PCDH15: variants seen among roughly 807,000 people sequenced by gnomAD.
PCDH15 encodes the protein protocadherin-15.
In PCDH15, 129 loss-of-function variants were observed where a neutral mutation model predicts 178.5. The ratio of observed to expected loss-of-function variants is 0.72; its 90% CI spans 0.63 to 0.84. The LOEUF is 0.84. Ranked by LOEUF, PCDH15 falls within the 40% of genes least tolerant of loss-of-function variation. The pLI, the probability that PCDH15 is intolerant of heterozygous loss-of-function variation, is 0.00. For missense variants in PCDH15, 2,230 were observed against 2,099.9 expected, an observed-to-expected ratio of 1.06 and a Z score of -1.21; for synonymous variants, 800 against 732.0, an observed-to-expected ratio of 1.09 and a Z score of -1.50.
rs550287521 is a variant in PCDH15 at position 54,641,974 on chromosome 10, A to G, written c.91+22198T>C. On this transcript the variant is annotated intron_variant, in intron 2 of 37. Coordinates refer to ENST00000644397, the MANE Select transcript of PCDH15 (RefSeq NM_001384140.1). ...CTCTACATACCTCCTCAGTTTCATC[A>G]GCATTTGATTTACATTGGCCTTTAT... Among the ~76,000 whole-genome samples, 4 of 152,110 alleles carry G rather than the reference A, an allele frequency of 2.6e-5. No homozygotes were observed. The South Asian group carries it at 8.3e-4, about 32-fold the overall frequency.
intron 21 of PCDH15, among the ~76,000 whole-genome samples, chr10:53,971,114 G>T (rs1379663376): frequency 2.6e-5 from 4 of 152,178 alleles, no homozygotes; most frequent in Non-Finnish European, 5.9e-5. Context: ...TCATCCCTGG[G>T]ATGCAAGGCT....
intron 2 of PCDH15, among the ~76,000 whole-genome samples, chr10:55,098,935 C>A (rs1419902376): frequency 1.3e-4 from 11 of 84,092 alleles, no homozygotes; most frequent in African/African-American, 6.2e-4. Flanking sequence ...AGAGAGAGAG[C>A]TCTTATCCTT....
In PCDH15 at chr10:54,419,595, G is replaced by C. The variant is rs544086687; in HGVS notation, c.158-40653C>G. Among the ~76,000 whole-genome samples the C allele has an allele frequency of 2.4e-3, 365 of 152,106 alleles. 2 individuals carry two copies. Among genetic ancestry groups the C allele is most frequent in the Non-Finnish European group, 4.2e-3 (284 of 67,962 alleles). ...TCATGAAAGTCTTTTCCAAAAACTTGCTAAATTCTTGACTCAAGACATTCC... is the reference window on the plus strand; with the variant it reads ...TCATGAAAGTCTTTTCCAAAAACTTCCTAAATTCTTGACTCAAGACATTCC... On this transcript the variant is annotated intron_variant, in intron 3 of 37. Coordinates refer to ENST00000644397, the MANE Select transcript of PCDH15 (RefSeq NM_001384140.1).
At chr10:54,027,942 G>T (rs2093162950) in intron 18 of PCDH15, among the ~76,000 whole-genome samples, 1 of 151,152 alleles carries the variant, frequency 6.6e-6, no homozygotes, top group East Asian at 1.9e-4. Flanking sequence ...TTGACAAATG[G>T]GATCGAATTA....
chr10:55,255,668 C>G, intron 1 of PCDH15, among the ~76,000 whole-genome samples: 1 of 152,138 alleles, frequency 6.6e-6, no homozygotes, highest in Non-Finnish European at 1.5e-5. Context: ...GATGGTATCT[C>G]ATTGTGGTTT....
At chr10:54,117,467 G>C (rs958440126) in intron 15 of PCDH15, among the ~76,000 whole-genome samples, 1 of 152,130 alleles carries the variant, frequency 6.6e-6, no homozygotes, top group East Asian at 1.9e-4. Flanking sequence ...TCTCCTTCCT[G>C]TTGTCTGCAT....
chr10:55,087,355 T>G (rs936910130), intron 2 of PCDH15, among the ~76,000 whole-genome samples: 1 of 152,174 alleles, frequency 6.6e-6, no homozygotes, highest in Non-Finnish European at 1.5e-5. Context: ...AAGGATAACT[T>G]GGTAGAAAGA....
chr10:55,465,963 G>A (rs886577592), intron 2 of PCDH15, among the ~76,000 whole-genome samples: 1 of 152,016 alleles, frequency 6.6e-6, no homozygotes, highest in Non-Finnish European at 1.5e-5. Flanking sequence ...CTGCTTTTAC[G>A]ATATCAGCGT....
At chr10:54,025,971 C>A (rs1360112275) in intron 18 of PCDH15, among the ~76,000 whole-genome samples, 1 of 152,140 alleles carries the variant, frequency 6.6e-6, no homozygotes, top group Non-Finnish European at 1.5e-5. Context: ...ATAGTATCCC[C>A]ATCTCAGAAT....
At chr10:54,890,691 A>T (rs750343299) in intron 3 of PCDH15, among the ~76,000 whole-genome samples, 1 of 152,030 alleles carries the variant, frequency 6.6e-6, no homozygotes, top group Non-Finnish European at 1.5e-5. Flanking sequence ...ATCACTTGGG[A>T]TACCATTTGT....
chr10:55,605,450 C>A (rs1270885706), intron 2 of PCDH15, among the ~76,000 whole-genome samples: 1 of 149,858 alleles, frequency 6.7e-6, no homozygotes, highest in Non-Finnish European at 1.5e-5. Flanking sequence ...CCAAAAAAGA[C>A]AATTTTAGAC....
At chr10:54,000,297 A>G (rs961551471) in intron 20 of PCDH15, among the ~76,000 whole-genome samples, 1 of 152,158 alleles carries the variant, frequency 6.6e-6, no homozygotes, top group Non-Finnish European at 1.5e-5. Context: ...ACAAGCATCA[A>G]TATCATCCAG....
chr10:54,991,294 C>T (rs1295391166), intron 2 of PCDH15, among the ~76,000 whole-genome samples: 9 of 152,078 alleles, frequency 5.9e-5, no homozygotes, highest in Non-Finnish European at 5.9e-5. Context: ...ACAATGATAA[C>T]TGAATTCATA....
chr10:55,244,239 T>G (rs1841629849), intron 1 of PCDH15, among the ~76,000 whole-genome samples: 1 of 151,996 alleles, frequency 6.6e-6, no homozygotes, highest in African/African-American at 2.4e-5. Context: ...ACAGTGGAAT[T>G]TTTGTCATTT....
intron 5 of PCDH15, among the ~76,000 whole-genome samples, chr10:54,358,989 C>T (rs1485731649): frequency 7.8e-6 from 1 of 128,340 alleles, no homozygotes; most frequent in East Asian, 2.3e-4. Flanking sequence ...GGAAGGGGAA[C>T]ATCACACTCT....
intron 2 of PCDH15, among the ~76,000 whole-genome samples, chr10:54,983,309 T>C (rs530050243): frequency 5.5e-4 from 84 of 152,290 alleles, no homozygotes; most frequent in Admixed American, 5.2e-3. Context: ...TTGTTATTTC[T>C]GAACAATATG....
intron 2 of PCDH15, among the ~76,000 whole-genome samples, chr10:54,576,298 G>C: frequency 6.6e-6 from 1 of 152,170 alleles, no homozygotes; most frequent in East Asian, 1.9e-4. Context: ...TGGATATGTA[G>C]ACTACTCATG....
chr10:54,903,142 G>T (rs1954664882), intron 2 of PCDH15, among the ~76,000 whole-genome samples: 1 of 152,046 alleles, frequency 6.6e-6, no homozygotes, highest in Admixed American at 6.6e-5. Flanking sequence ...ACGGTTGGAG[G>T]TATGAAGGAG....
intron 1 of PCDH15, among the ~76,000 whole-genome samples, chr10:55,175,686 A>G (rs1408054060): frequency 6.7e-6 from 1 of 149,990 alleles, no homozygotes; most frequent in Non-Finnish European, 1.5e-5. Context: ...AAAGAAAAAG[A>G]AAAAAAAAGA....
Sources: gnomAD v4.1 joint callset for allele counts (sites outside exome capture counted in the v4.1 genomes callset) on GRCh38, gnomAD v4.1.1 for gene constraint, MANE v1.5 for transcripts, NCBI Gene and HGNC (gene_info 2026-07-23, HGNC 2026-07-21) for gene names.